CFTR: variants seen among roughly 807,000 people sequenced by gnomAD.
The protein encoded by CFTR is CF transmembrane conductance regulator, also known as cystic fibrosis transmembrane conductance regulator.
Under a neutral mutation model 171.6 loss-of-function variants are expected in CFTR, and 181 were observed. The ratio of observed to expected loss-of-function variants is 1.05; its 90% confidence interval spans 0.93 to 1.19. The LOEUF is 1.19. CFTR is among the 50% of genes most tolerant of loss of function. The pLI, the probability that CFTR is intolerant of heterozygous loss-of-function variation, is 0.00. For synonymous variants in CFTR, 583 were observed against 608.0 expected (o/e 0.96, Z 0.60); for missense variants, 1,968 against 1,734.7 (o/e 1.13, Z -2.39).
intron 24 of CFTR, among the ~76,000 whole-genome samples, chr7:117,657,729 G>C (rs747266134): frequency 1.1e-4 from 16 of 152,132 alleles, no homozygotes; most frequent in Non-Finnish European, 1.6e-4. Context: ...TATCTCTAGA[G>C]GTAAATGAAC....
intron 1 of CFTR, among the ~76,000 whole-genome samples, chr7:117,493,359 G>GAA (rs556683713): frequency 2.0e-5 from 3 of 151,834 alleles, no homozygotes; most frequent in Middle Eastern, 3.4e-3. Context: ...TTGCTTTTAT[G>GAA]AAAAAAAAGA....
intron 10 of CFTR, among the ~76,000 whole-genome samples, chr7:117,550,222 G>T (rs1449125959): frequency 6.6e-6 from 1 of 151,874 alleles, no homozygotes; most frequent in Non-Finnish European, 1.5e-5. Context: ...TGTGCCTGTA[G>T]TCCCAGCTAC....
At chr7:117,543,501 C>A (rs949569070) in intron 9 of CFTR, among the ~76,000 whole-genome samples, 3 of 152,168 alleles carry the variant, frequency 2.0e-5, no homozygotes, top group Non-Finnish European at 4.4e-5. Flanking sequence ...TTACTATGTG[C>A]CAGGCACTAG....
rs1379044306 is a variant in CFTR at position 117,612,052 on chromosome 7, T to TATATAC, written c.3367+245_3367+246insTATACA. Among the ~76,000 whole-genome samples, 30 of 70,874 alleles carry TATATAC rather than the reference T, an allele frequency of 4.2e-4. 2 individuals carry two copies. The highest frequency in any genetic ancestry group is 7.0e-4 in the Non-Finnish European group (25 of 35,750). 46.5% of individuals were successfully genotyped at this position (70,874 alleles called of 152,430 possible). On this transcript the variant is annotated intron_variant, in intron 20 of 26. Transcript: ENST00000003084. ...ATATATATATATATATATATATATA[T>TATATAC]ACATATATATATATAGTATTATCCC... is the stretch of plus-strand genomic sequence containing the variant.
chr7:117,656,160 T>G (rs1793180275), intron 24 of CFTR, among the ~76,000 whole-genome samples: 1 of 152,150 alleles, frequency 6.6e-6, no homozygotes, highest in Non-Finnish European at 1.5e-5. Flanking sequence ...TCCACTATAC[T>G]GGGATTATTC....
At chr7:117,535,209 T>C (rs772087908) in intron 5 of CFTR, 39 bp from the exon 6 acceptor site, 5 of 1,609,858 alleles carry the variant, frequency 3.1e-6, no homozygotes, top group Non-Finnish European at 4.3e-6. Flanking sequence ...GGGTGGAAGA[T>C]ACAATGACAC....
intron 3 of CFTR, among the ~76,000 whole-genome samples, chr7:117,512,633 CAA>C (rs5886861): frequency 2.7e-3 from 188 of 68,880 alleles, no homozygotes; most frequent in African/African-American, 6.5e-3. Context: ...GACTCCATCT[CAA>C]AAAAAAAAAA....
chr7:117,635,839 T>C (rs1792818049), intron 22 of CFTR, among the ~76,000 whole-genome samples: 1 of 152,144 alleles, frequency 6.6e-6, no homozygotes, highest in Non-Finnish European at 1.5e-5. Context: ...ATATTTATGA[T>C]TGAATATATT....
chr7:117,615,096 A>C (rs1267655988), intron 21 of CFTR, among the ~76,000 whole-genome samples: 1 of 152,142 alleles, frequency 6.6e-6, no homozygotes, highest in Non-Finnish European at 1.5e-5. Context: ...TCTCATAGCT[A>C]TGTATCTTCA....
intron 26 of CFTR, 73 bp downstream of exon 26, chr7:117,665,637 T>G: frequency 1.1e-6 from 1 of 949,306 alleles, no homozygotes; most frequent in Non-Finnish European, 1.7e-6. Context: ...ATGTGATAGT[T>G]CCTGCAAATT....
chr7:117,568,573 T>C (rs1349945576), intron 11 of CFTR, among the ~76,000 whole-genome samples: 1 of 152,288 alleles, frequency 6.6e-6, no homozygotes, highest in East Asian at 1.9e-4. Context: ...TTAAAAATAA[T>C]TTAACATTTA....
chr7:117,577,018 G>T (rs1020984283), intron 11 of CFTR, among the ~76,000 whole-genome samples: 1 of 152,110 alleles, frequency 6.6e-6, no homozygotes, highest in African/African-American at 2.4e-5. Context: ...TAAGAAAATG[G>T]ATGACAGGAG....
At chr7:117,549,166 G>T (rs1317885158) in intron 10 of CFTR, among the ~76,000 whole-genome samples, 1 of 152,048 alleles carries the variant, frequency 6.6e-6, no homozygotes, top group Admixed American at 6.6e-5. Context: ...TTTCAGAGCT[G>T]GTCCAGGAAA....
At chr7:117,553,720 A>G (rs1205769169) in intron 10 of CFTR, among the ~76,000 whole-genome samples, 3 of 152,224 alleles carry the variant, frequency 2.0e-5, no homozygotes. Flanking sequence ...TGATCCTAGA[A>G]TCATAATGAA....
At chr7:117,610,088 G>A (rs1297697300) in intron 18 of CFTR, among the ~76,000 whole-genome samples, 1 of 151,488 alleles carries the variant, frequency 6.6e-6, no homozygotes, top group Admixed American at 6.6e-5. Flanking sequence ...CCTTTGTAGG[G>A]ACATGGATGA....
At chr7:117,569,339 A>G (rs1178911049) in intron 11 of CFTR, among the ~76,000 whole-genome samples, 3 of 152,162 alleles carry the variant, frequency 2.0e-5, no homozygotes, top group Non-Finnish European at 4.4e-5. Context: ...ATGATACGCA[A>G]TGCTCAATAA....
intron 11 of CFTR, chr7:117,560,587 A>G (rs2115942059): frequency 6.6e-6 from 1 of 152,240 alleles, no homozygotes; most frequent in East Asian, 1.9e-4. Context: ...CAATTCTTAT[A>G]AAAAGGGTTG....
In CFTR at chr7:117,595,005, C is replaced by T; in HGVS notation, c.2566C>T (p.His856Tyr). ...CACATACCTTCGATATATTACTGTCCACAAGAGCTTAATTTTTGTGCTAAT... is the reference window on the plus strand; with the variant it reads ...CACATACCTTCGATATATTACTGTCTACAAGAGCTTAATTTTTGTGCTAAT... ...WNTYLRYITVHKSLIFVLIWC... is the reference protein window; with the variant it reads ...WNTYLRYITVYKSLIFVLIWC... The change falls in exon 15 of 27, where the codon CAC becomes TAC. Residue 856 changes from histidine to tyrosine, a missense_variant. His to Tyr is a moderately conservative substitution (Grantham distance 83, BLOSUM62 2). Coordinates refer to ENST00000003084, the MANE Select transcript of CFTR (RefSeq NM_000492.4). The T allele has an allele frequency of 6.2e-7, 1 of 1,612,838 alleles. No homozygotes were observed. The highest frequency in any genetic ancestry group is 1.7e-5 in the Admixed American group (1 of 59,986).
intron 24 of CFTR, among the ~76,000 whole-genome samples, chr7:117,655,880 C>A (rs1793158610): frequency 6.6e-6 from 1 of 152,068 alleles, no homozygotes; most frequent in South Asian, 2.1e-4. Flanking sequence ...TGTTACATGG[C>A]AGAAGAGTGG....
Sources: gnomAD v4.1 joint callset for allele counts (sites outside exome capture counted in the v4.1 genomes callset) on GRCh38, gnomAD v4.1.1 for gene constraint, MANE v1.5 for transcripts, NCBI Gene and HGNC (gene_info 2026-07-23, HGNC 2026-07-21) for gene names.